Variants in NEBL observed in about 807,000 individuals in gnomAD.
NEBL encodes LIM and SH3 protein 2.
NEBL carries 122 observed loss-of-function variants against 140.2 expected under a neutral mutation model. The observed-to-expected ratio is 0.87, with a 90% CI of 0.75 to 1.01. The LOEUF is 1.01. Ranked by LOEUF, NEBL falls within the 50% of genes least tolerant of loss-of-function variation. NEBL has a pLI of 0.00. For synonymous variants in NEBL, 436 were observed against 398.9 expected (o/e 1.09, Z -1.11); for missense variants, 1,365 against 1,231.3 (o/e 1.11, Z -1.62).
chr10:21,148,477 C>T (rs1840001745), intron 2 of NEBL, among the ~76,000 whole-genome samples: 1 of 152,166 alleles, frequency 6.6e-6, no homozygotes, highest in Non-Finnish European at 1.5e-5. Context: ...ACCTCTCAGG[C>T]AGAGTTTTAT....
intron 2 of NEBL, among the ~76,000 whole-genome samples, chr10:21,139,510 A>G (rs1340811842): frequency 1.3e-5 from 2 of 152,194 alleles, no homozygotes. Flanking sequence ...GGTGTGGACC[A>G]CTATCTGTTG....
At chr10:21,224,576 G>T (rs1842119186) in intron 3 of NEBL, among the ~76,000 whole-genome samples, 1 of 152,034 alleles carries the variant, frequency 6.6e-6, no homozygotes, top group African/African-American at 2.4e-5. Flanking sequence ...GATAAGGATT[G>T]CATTTATTCT....
intron 2 of NEBL, among the ~76,000 whole-genome samples, chr10:21,143,500 C>T (rs1839747327): frequency 6.9e-6 from 1 of 145,666 alleles, no homozygotes; most frequent in African/African-American, 2.5e-5. Context: ...TTATCAACTA[C>T]TTAGCACAAC....
At chr10:21,095,115 T>C (rs557813946) in intron 2 of NEBL, among the ~76,000 whole-genome samples, 5 of 152,322 alleles carry the variant, frequency 3.3e-5, no homozygotes, top group Admixed American at 2.6e-4. Flanking sequence ...CAAGGCCTCA[T>C]CTCAGACCAA....
intron 4 of NEBL, among the ~76,000 whole-genome samples, chr10:20,953,368 G>A (rs141056963): frequency 0.011 from 1,635 of 152,268 alleles, 22 homozygotes; most frequent in African/African-American, 0.029. Context: ...AAGCCAGGAA[G>A]AGAGCCCTCA....
At chr10:21,110,763 T>C in intron 2 of NEBL, 1 of 519,682 alleles carries the variant, frequency 1.9e-6, no homozygotes, top group Admixed American at 2.1e-5. Context: ...TGGATACTGA[T>C]GAAAATGAGC....
chr10:21,015,625 T>G (rs1197910426), intron 3 of NEBL, among the ~76,000 whole-genome samples: 1 of 152,116 alleles, frequency 6.6e-6, no homozygotes, highest in East Asian at 1.9e-4. Context: ...GATCCTCCTG[T>G]CTCAGCCTCC....
intron 2 of NEBL, chr10:21,172,365 C>A: frequency 1.3e-6 from 2 of 1,570,956 alleles, no homozygotes; most frequent in Middle Eastern, 1.7e-4. Context: ...ACCTGGACAG[C>A]GTGTTGACAA....
chr10:20,797,348 T>C (rs1341602063), intron 26 of NEBL, among the ~76,000 whole-genome samples: 1 of 152,216 alleles, frequency 6.6e-6, no homozygotes, highest in Non-Finnish European at 1.5e-5. Context: ...TTTCTTGAAC[T>C]AATGTATTCT....
chr10:21,234,008 G>GAGATAGATAGATAGATAGAT (rs35919028), intron 3 of NEBL, among the ~76,000 whole-genome samples: 3 of 139,516 alleles, frequency 2.2e-5, no homozygotes, highest in African/African-American at 8.0e-5. Context: ...AGGAGATTGT[G>GAGATAGATAGATAGATAGAT]AGATAGATAG....
At chr10:20,815,354 TATC>T (rs1838621676) in intron 22 of NEBL, among the ~76,000 whole-genome samples, 1 of 152,308 alleles carries the variant, frequency 6.6e-6, no homozygotes, top group African/African-American at 2.4e-5. Flanking sequence ...ACGGCTAACA[TATC>T]ATGAATCGTT....
intron 2 of NEBL, among the ~76,000 whole-genome samples, chr10:21,134,567 G>C (rs1015637132): frequency 1.3e-5 from 2 of 152,010 alleles, no homozygotes; most frequent in African/African-American, 4.8e-5. Context: ...CCTTTTACAC[G>C]GTCGATCCCT....
chr10:21,071,276 A>T (rs1186938272), intron 2 of NEBL, among the ~76,000 whole-genome samples: 1 of 151,186 alleles, frequency 6.6e-6, no homozygotes, highest in Non-Finnish European at 1.5e-5. Context: ...AGGTCCCTGA[A>T]AAATATTAGA....
intron 3 of NEBL, among the ~76,000 whole-genome samples, chr10:21,199,853 G>C (rs1033447780): frequency 6.6e-6 from 1 of 152,208 alleles, no homozygotes; most frequent in Non-Finnish European, 1.5e-5. Context: ...CTGATTTGTA[G>C]CTTGTCAAGG....
intron 4 of NEBL, among the ~76,000 whole-genome samples, chr10:20,921,002 C>T (rs912154332): frequency 6.6e-6 from 1 of 152,138 alleles, no homozygotes; most frequent in Non-Finnish European, 1.5e-5. Flanking sequence ...TGTTTACCAG[C>T]TCTGTCCACT....
At chr10:20,850,040 T>C (rs1842356427) in intron 11 of NEBL, among the ~76,000 whole-genome samples, 1 of 152,154 alleles carries the variant, frequency 6.6e-6, no homozygotes, top group Non-Finnish European at 1.5e-5. Context: ...CAACCAGCTA[T>C]TCGTTTTTAG....
At chr10:20,830,274 C>G (rs1458910419) in intron 16 of NEBL, among the ~76,000 whole-genome samples, 1 of 152,162 alleles carries the variant, frequency 6.6e-6, no homozygotes, top group Non-Finnish European at 1.5e-5. Flanking sequence ...TGCATAAACT[C>G]CATTAATCAA....
intron 2 of NEBL, among the ~76,000 whole-genome samples, chr10:21,034,420 C>G (rs563615261): frequency 2.0e-5 from 3 of 152,190 alleles, no homozygotes; most frequent in Admixed American, 2.0e-4. Flanking sequence ...AATCACACCA[C>G]TCTCAGCAGA....
intron 2 of NEBL, among the ~76,000 whole-genome samples, chr10:21,068,129 G>A (rs1835652453): frequency 6.6e-6 from 1 of 152,150 alleles, no homozygotes; most frequent in African/African-American, 2.4e-5. Context: ...TCAGCTCCAT[G>A]ATTCTACACT....
Sources: gnomAD v4.1 joint callset for allele counts (sites outside exome capture counted in the v4.1 genomes callset) on GRCh38, gnomAD v4.1.1 for gene constraint, MANE v1.5 for transcripts, NCBI Gene and HGNC (gene_info 2026-07-23, HGNC 2026-07-21) for gene names.